Variants in RBM14 observed in about 807,000 individuals in gnomAD.
RBM14 encodes RNA binding motif protein 14.
In RBM14, 5 loss-of-function variants were observed where a neutral mutation model predicts 52.8. The observed-to-expected ratio is 0.09, with a 90% CI of 0.05 to 0.20. The LOEUF is 0.20. RBM14 is among the 10% of genes least tolerant of loss of function. The pLI is 1.00. For synonymous variants in RBM14, 411 were observed against 401.8 expected (o/e 1.02, Z -0.28); for missense variants, 780 against 926.6 (o/e 0.84, Z 2.05).
At position 66,617,099 on chromosome 11, in the gene RBM14, C is replaced by A. The variant is rs964822901; in HGVS notation, c.337+42C>A. The A allele has an allele frequency of 5.8e-6, 9 of 1,542,552 alleles. No individual in the cohort carries two copies. In the East Asian group the frequency reaches 1.1e-4, roughly 19 times the overall value. On this transcript the variant is annotated intron_variant, in intron 1 of 2. Coordinates refer to ENST00000310137, the MANE Select transcript of RBM14 (RefSeq NM_006328.4). ...CTCGGGGGCGGGGGCGCGCTCGGGG[C>A]ACTCTGCCTGTTAGCCACGCCCCTT...
Position 66,624,394 on chromosome 11 carries a change from C to A in RBM14, c.518C>A (p.Thr173Lys), listed in dbSNP as rs746849036. The A allele has an allele frequency of 1.4e-5, 23 of 1,614,172 alleles. No individual in the cohort carries two copies. Among genetic ancestry groups the A allele is most frequent in the Non-Finnish European group, 1.9e-5 (23 of 1,179,994 alleles). Residue 173 changes from threonine (T) to lysine (K), a missense_variant, in exon 2 of 3, where the codon ACG becomes AAG. Transcript: ENST00000310137. The surrounding 1 kb of genome is among the most constrained non-coding windows in gnomAD (Gnocchi z 4.7). ...ACCAAGAAACCAGGGGCTGGGGATACGGCCTTCCCTGGAACTGGTGGCTTC... is the reference window on the plus strand; with the variant it reads ...ACCAAGAAACCAGGGGCTGGGGATAAGGCCTTCCCTGGAACTGGTGGCTTC... ...DKTKKPGAGDTAFPGTGGFSA... is the reference protein window; with the variant it reads ...DKTKKPGAGDKAFPGTGGFSA...
Position 66,626,787 on chromosome 11 carries a change from C to CA in RBM14, c.*119_*120insA. The stretch of plus-strand genomic sequence containing the variant: ...TCCTGGTTGTGGTTTTTCATGCCCT[C>CA]TACCATGTGGGCCTTCCCCAGGAGA... On this transcript the variant is annotated 3_prime_UTR_variant, in exon 3 of 3. Transcript: ENST00000310137. 1 of 1,024,910 alleles carries CA rather than the reference C, an allele frequency of 9.8e-7. No homozygotes were observed. The highest frequency in any genetic ancestry group is 1.4e-6 in the Non-Finnish European group (1 of 721,226). The allele number at this position is 1,024,910 out of a possible 1,614,324, so 63.5% of individuals were successfully genotyped here. A position where few individuals can be genotyped will look rare whatever the true frequency, so the allele number is the denominator to read the frequency against.
rs1482179078 is a variant in RBM14 at position 66,628,304 on chromosome 11, A to G, written c.*1636A>G. ...ATGCTCTTTTGGGAAAAGGTGCTTT[A>G]AAGACTCGATTTGGGAGCCTACTGG... On this transcript the variant is annotated 3_prime_UTR_variant, in exon 3 of 3. Transcript: ENST00000310137. 6.6e-6 allele frequency among the ~76,000 whole-genome samples: 1 copy of G among 152,174 alleles called. No homozygotes were observed. Among genetic ancestry groups the G allele is most frequent in the Non-Finnish European group, 1.5e-5 (1 of 68,022 alleles).
chr11:66,617,850 C>G (rs553131098), intron 1 of RBM14, among the ~76,000 whole-genome samples: 2 of 152,244 alleles, frequency 1.3e-5, no homozygotes, highest in East Asian at 3.9e-4. Flanking sequence ...AGCCAGTGCC[C>G]TAGGGCAGTG....
Position 66,624,553 on chromosome 11 carries a change from A to T in RBM14, c.677A>T (p.Tyr226Phe), listed in dbSNP as rs770422479. 9.3e-6 allele frequency: 15 copies of T among 1,612,806 alleles called. No individual in the cohort carries two copies. In the Admixed American group the frequency reaches 2.5e-4, roughly 27 times the overall value. Residue 226 changes from tyrosine to phenylalanine, a missense_variant, in exon 2 of 3, where the codon TAT (tyrosine) becomes TTT (phenylalanine). Tyr to Phe is a conservative substitution (Grantham distance 22, BLOSUM62 3). Around this residue, in one of 4 missense-constraint regions of RBM14, gnomAD observed 675 missense variants for 697.3 expected, o/e 0.97. Transcript: ENST00000310137. The surrounding 1 kb of genome is among the most constrained non-coding windows in gnomAD (Gnocchi z 4.7). ...PLRRSPPRAS[Y>F]VAPLTAQPAT... Reference sequence around the variant, plus strand: ...CGCCGTTCACCTCCCCGAGCCTCTTATGTGGCTCCTCTGACGGCCCAGCCA... The same window carrying T: ...CGCCGTTCACCTCCCCGAGCCTCTTTTGTGGCTCCTCTGACGGCCCAGCCA...
intron 1 of RBM14, among the ~76,000 whole-genome samples, chr11:66,620,554 G>A (rs1185262563): frequency 2.0e-5 from 3 of 151,994 alleles, no homozygotes; most frequent in African/African-American, 7.3e-5. Context: ...TTCCTGCCTC[G>A]GCCTCCCAAA....
At chr11:66,619,611 G>C (rs1312658495) in intron 1 of RBM14, 1 of 151,148 alleles carries the variant, frequency 6.6e-6, no homozygotes, top group African/African-American at 2.4e-5. Context: ...CTGTCGCCCA[G>C]GCTGGAGTGC....
intron 1 of RBM14, chr11:66,623,942 C>T (rs1465610241): frequency 5.5e-6 from 4 of 721,468 alleles, no homozygotes; most frequent in Non-Finnish European, 1.0e-5. Context: ...TTCATCTTTG[C>T]TCCTTCTTCT....
chr11:66,626,358 C>A, intron 2 of RBM14, 103 bp from the exon 3 acceptor site: 1 of 1,173,864 alleles, frequency 8.5e-7, no homozygotes, highest in Non-Finnish European at 1.2e-6. Context: ...TTGGAGACCA[C>A]TGTGATCACA....
Position 66,625,922 on chromosome 11 carries a change from C to T in RBM14, c.1802+244C>T, listed in dbSNP as rs1937783858. Reference sequence around the variant, plus strand: ...TCAGGCCAGGCACAGTGTCACCTGTCTAGGCTAGCCCAAGTGTCATTGGAG... The same window carrying T: ...TCAGGCCAGGCACAGTGTCACCTGTTTAGGCTAGCCCAAGTGTCATTGGAG... On this transcript the variant is annotated intron_variant, in intron 2 of 2. Transcript: ENST00000310137. The surrounding 1 kb of genome is among the most constrained non-coding windows in gnomAD (Gnocchi z 4.2). Among the ~76,000 whole-genome samples, 1 of 152,210 alleles carries T rather than the reference C, an allele frequency of 6.6e-6. No homozygotes were observed. The highest frequency in any genetic ancestry group is 2.1e-4 in the South Asian group (1 of 4,828).
rs1346643098 is a variant in RBM14 at position 66,628,255 on chromosome 11, G to A, written c.*1587G>A. Reference sequence around the variant, plus strand: ...GGGTAAATGGAAGACTGGTTGAGTGGGATGATAATGGGAGAACTTACTGAT... The same window carrying A: ...GGGTAAATGGAAGACTGGTTGAGTGAGATGATAATGGGAGAACTTACTGAT... On this transcript the variant is annotated 3_prime_UTR_variant, in exon 3 of 3. Coordinates refer to ENST00000310137, the MANE Select transcript of RBM14 (RefSeq NM_006328.4). Among the ~76,000 whole-genome samples the A allele has an allele frequency of 6.6e-6, 1 of 152,120 alleles. No homozygotes were observed. The highest frequency in any genetic ancestry group is 1.9e-4 in the East Asian group (1 of 5,188).
intron 2 of RBM14, 143 bp from the exon 3 acceptor site, chr11:66,626,318 T>G: frequency 2.1e-5 from 17 of 826,736 alleles, no homozygotes; most frequent in Non-Finnish European, 3.0e-5. Context: ...GATAGGGTGA[T>G]GAGCCTTCTG....
At position 66,629,929 on chromosome 11, in the gene RBM14, A is replaced by G. The variant is rs921730744; in HGVS notation, c.*3261A>G. 6.6e-6 allele frequency among the ~76,000 whole-genome samples: 1 copy of G among 152,076 alleles called. No homozygotes were observed. Among genetic ancestry groups the G allele is most frequent in the East Asian group, 1.9e-4 (1 of 5,176 alleles). ...TTGTCTCTACCAAAAGAAAAGAAAA[A>G]AAAAAGCCAGCTGTGGTGGCATGCA... is the stretch of plus-strand genomic sequence containing the variant. On this transcript the variant is annotated 3_prime_UTR_variant, in exon 3 of 3. Coordinates refer to ENST00000310137, the MANE Select transcript of RBM14 (RefSeq NM_006328.4).
chr11:66,625,261 G>C lies in RBM14; in HGVS notation c.1385G>C (p.Gly462Ala). ...QATTPMAGSY[G>A]AQPVVQTQLN... ...ACTACCCCAATGGCTGGCTCCTATG[G>C]GGCCCAGCCGGTTGTGCAGACCCAG... Residue 462 changes from glycine (G) to alanine (A), a missense_variant, in exon 2 of 3, where the codon GGG becomes GCG. Physicochemically the swap from Gly to Ala is moderately conservative, Grantham distance 60. Transcript: ENST00000310137. This position sits in a 1 kb window ranked among gnomAD's most constrained non-coding sequence, Gnocchi z 4.2. The C allele has an allele frequency of 6.2e-7, 1 of 1,612,726 alleles. No individual in the cohort carries two copies. Among genetic ancestry groups the C allele is most frequent in the Non-Finnish European group, 8.5e-7 (1 of 1,179,832 alleles).
Position 66,625,500 on chromosome 11 carries a change from G to A in RBM14, c.1624G>A (p.Gly542Ser), listed in dbSNP as rs768910664. Reference sequence around the variant, plus strand: ...TCCCCAGGCTGCTGCCTCCTACCGCGGCCAGCCAGGCAATGCCTACGATGG... The same window carrying A: ...TCCCCAGGCTGCTGCCTCCTACCGCAGCCAGCCAGGCAATGCCTACGATGG... ...QHPQAAASYR[G>S]QPGNAYDGAG... The change falls in exon 2 of 3, where the codon GGC (glycine) becomes AGC (serine). Residue 542 changes from glycine to serine, a missense_variant. Physicochemically the swap from Gly to Ser is moderately conservative, Grantham distance 56. Coordinates refer to ENST00000310137, the MANE Select transcript of RBM14 (RefSeq NM_006328.4). The surrounding 1 kb of genome is among the most constrained non-coding windows in gnomAD (Gnocchi z 4.2). The A allele has an allele frequency of 6.2e-6, 10 of 1,612,542 alleles. No homozygotes were observed. The highest frequency in any genetic ancestry group is 5.0e-5 in the Admixed American group (3 of 59,942).
chr11:66,623,335 C>T (rs1234152831), intron 1 of RBM14, among the ~76,000 whole-genome samples: 3 of 152,186 alleles, frequency 2.0e-5, no homozygotes, highest in Non-Finnish European at 4.4e-5. Context: ...TATTCCCATA[C>T]CTCATTGGCT....
intron 1 of RBM14, among the ~76,000 whole-genome samples, chr11:66,618,726 C>G (rs1466280485): frequency 1.3e-5 from 2 of 152,070 alleles, no homozygotes; most frequent in African/African-American, 4.8e-5. Flanking sequence ...AGAGTGGCTA[C>G]TAGGTTGAGA....
chr11:66,626,307 G>T (rs1180990441), intron 2 of RBM14, among the ~76,000 whole-genome samples, 154 bp from the exon 3 acceptor site: 1 of 152,084 alleles, frequency 6.6e-6, no homozygotes, highest in Non-Finnish European at 1.5e-5. Flanking sequence ...TTTTTGGCCT[G>T]GATAGGGTGA....
chr11:66,617,728 G>A (rs902287230), intron 1 of RBM14, among the ~76,000 whole-genome samples: 2 of 152,214 alleles, frequency 1.3e-5, no homozygotes, highest in East Asian at 3.9e-4. Flanking sequence ...CCTCAAACTT[G>A]GGGTTTTTCT....
Sources: gnomAD v4.1 joint callset for allele counts (sites outside exome capture counted in the v4.1 genomes callset) on GRCh38, gnomAD v4.1.1 for gene constraint, gnomAD v4.1.1 regional missense constraint, Gnocchi (gnomAD v3.1) non-coding constraint, MANE v1.5 for transcripts, NCBI Gene and HGNC (gene_info 2026-07-23, HGNC 2026-07-21) for gene names.